SLAIN1: variants seen among roughly 807,000 people sequenced by gnomAD.
The protein encoded by SLAIN1 is SLAIN family member 1.
In SLAIN1, 17 loss-of-function variants were observed where a neutral mutation model predicts 55.4. That is an observed-to-expected ratio of 0.31 (90% CI 0.21 to 0.46). The LOEUF (loss-of-function observed/expected upper bound fraction) is 0.46, where lower values mean the gene tolerates loss of function less well. Ranked by LOEUF, SLAIN1 falls within the 20% of genes least tolerant of loss-of-function variation. The probability of loss-of-function intolerance (pLI) is 1.00; values close to 1 mark genes in which losing one functional copy is unlikely to be tolerated. For missense variants in SLAIN1, 682 were observed against 785.1 expected (o/e 0.87, Z 1.57); for synonymous variants, 348 against 337.4 (o/e 1.03, Z -0.35).
chr13:77,753,496 C>CT, intron 5 of SLAIN1, 138 bp downstream of exon 5: 1 of 392,502 alleles, frequency 2.5e-6, no homozygotes, highest in Non-Finnish European at 4.0e-6. Context: ...TGCCGTGTAA[C>CT]TTATTTTTTT....
intron 1 of SLAIN1, among the ~76,000 whole-genome samples, chr13:77,711,799 T>A (rs775070432): frequency 1.3e-5 from 2 of 152,188 alleles, no homozygotes; most frequent in Non-Finnish European, 2.9e-5. Flanking sequence ...CCAATATCCC[T>A]GATGAACATC....
intron 5 of SLAIN1, 50 bp from the exon 6 acceptor site, chr13:77,760,778 G>A (rs1874950550): frequency 6.3e-7 from 1 of 1,587,368 alleles, no homozygotes; most frequent in East Asian, 2.2e-5. Context: ...CATTTCCTAA[G>A]TCGGATAGTG....
At chr13:77,701,530 G>A (rs1456286191) in intron 1 of SLAIN1, among the ~76,000 whole-genome samples, 1 of 151,824 alleles carries the variant, frequency 6.6e-6, no homozygotes. Flanking sequence ...AAAAAAAACA[G>A]CTTTAAAGAG....
Position 77,751,188 on chromosome 13 carries a change from C to A in SLAIN1, c.1259-2015C>A, listed in dbSNP as rs77790126. Among the ~76,000 whole-genome samples the A allele has an allele frequency of 1.4e-3, 205 of 151,822 alleles. 8 individuals carry two copies. The East Asian group carries it at 0.033, about 24-fold the overall frequency. ...CTGATATGTGCACTTTAGTGTTTTG[C>A]GGTATATATCAATAAAGATAAAAAT... On this transcript the variant is annotated intron_variant, in intron 4 of 6. Coordinates refer to ENST00000418532, the MANE Select transcript of SLAIN1 (RefSeq NM_001242868.2).
chr13:77,756,834 A>C (rs1201851526), intron 5 of SLAIN1, among the ~76,000 whole-genome samples: 1 of 152,134 alleles, frequency 6.6e-6, no homozygotes, highest in Non-Finnish European at 1.5e-5. Flanking sequence ...AAATAGGGAA[A>C]AACAGTCTGT....
rs554443178 is a variant in SLAIN1 at position 77,755,759 on chromosome 13, A to G, written c.1414+2401A>G. The stretch of plus-strand genomic sequence containing the variant: ...TAAAAGCAATGAGGAAAATATAAAA[A>G]TCATCATTTCTAAGTCAAGCATAAT... On this transcript the variant is annotated intron_variant, in intron 5 of 6. Coordinates refer to ENST00000418532, the MANE Select transcript of SLAIN1 (RefSeq NM_001242868.2). Among the ~76,000 whole-genome samples, 111 of 152,316 alleles carry G rather than the reference A, an allele frequency of 7.3e-4. 1 individual carries two copies. The South Asian group carries it at 0.013, about 18-fold the overall frequency.
At chr13:77,737,900 C>T (rs1203091279) in intron 2 of SLAIN1, among the ~76,000 whole-genome samples, 2 of 152,066 alleles carry the variant, frequency 1.3e-5, no homozygotes, top group Non-Finnish European at 2.9e-5. Flanking sequence ...TTATTCATGT[C>T]AGCACCTGGG....
At chr13:77,755,116 A>G (rs1332150795) in intron 5 of SLAIN1, among the ~76,000 whole-genome samples, 1 of 152,072 alleles carries the variant, frequency 6.6e-6, no homozygotes, top group East Asian at 1.9e-4. Context: ...AAAATCAGTA[A>G]CATACCAGCC....
intron 2 of SLAIN1, among the ~76,000 whole-genome samples, chr13:77,734,117 T>G (rs1215536619): frequency 6.6e-6 from 1 of 152,122 alleles, no homozygotes; most frequent in East Asian, 1.9e-4. Flanking sequence ...TCTAAATACG[T>G]AAAGATATAA....
intron 2 of SLAIN1, among the ~76,000 whole-genome samples, chr13:77,740,513 C>A (rs890758981): frequency 2.8e-5 from 4 of 141,514 alleles, no homozygotes; most frequent in Non-Finnish European, 6.1e-5. Flanking sequence ...TATGCCACTT[C>A]CAAGTTTGCG....
rs1243418537 is a variant in SLAIN1 at position 77,734,656 on chromosome 13, GGAAAAGT to G, written c.767-9619_767-9613del. On this transcript the variant is annotated intron_variant, in intron 2 of 6. Transcript: ENST00000418532. ...ACTAGGTTACACTTCTTTAGAATCA[GGAAAAGT>G]GAAAAGTAGAAAACTCCTACAGAAT... Among the ~76,000 whole-genome samples, 5 of 152,170 alleles carry G rather than the reference GGAAAAGT, an allele frequency of 3.3e-5. No homozygotes were observed. In the East Asian group the frequency reaches 9.7e-4, roughly 29 times the overall value.
At chr13:77,716,763 TC>T (rs2091211937) in intron 1 of SLAIN1, among the ~76,000 whole-genome samples, 1 of 152,192 alleles carries the variant, frequency 6.6e-6, no homozygotes, top group Non-Finnish European at 1.5e-5. Flanking sequence ...TATGCTATTA[TC>T]ATTTTTGTAG....
At chr13:77,754,617 A>G (rs571115791) in intron 5 of SLAIN1, among the ~76,000 whole-genome samples, 5 of 152,144 alleles carry the variant, frequency 3.3e-5, no homozygotes, top group Non-Finnish European at 7.3e-5. Flanking sequence ...ATTTACTTTT[A>G]TAACACAGTC....
At chr13:77,750,784 A>G (rs1258003459) in intron 4 of SLAIN1, among the ~76,000 whole-genome samples, 1 of 152,206 alleles carries the variant, frequency 6.6e-6, no homozygotes, top group Admixed American at 6.5e-5. Flanking sequence ...CCAGCTGGGA[A>G]GTCCATAGAA....
At chr13:77,746,441 C>G in intron 3 of SLAIN1, 73 bp from the exon 4 acceptor site, 1 of 1,302,934 alleles carries the variant, frequency 7.7e-7, no homozygotes, top group Non-Finnish European at 1.0e-6. Flanking sequence ...AATTTTTCAT[C>G]TAATACTTGG....
At chr13:77,756,745 A>G (rs1221780588) in intron 5 of SLAIN1, among the ~76,000 whole-genome samples, 1 of 152,148 alleles carries the variant, frequency 6.6e-6, no homozygotes, top group Non-Finnish European at 1.5e-5. Flanking sequence ...ACACAGGTGA[A>G]TCTCACAGAC....
intron 1 of SLAIN1, among the ~76,000 whole-genome samples, chr13:77,713,302 T>C (rs1392519951): frequency 6.6e-6 from 1 of 151,738 alleles, no homozygotes; most frequent in Non-Finnish European, 1.5e-5. Flanking sequence ...ATATCCAGAA[T>C]CCACAAGGAA....
intron 1 of SLAIN1, among the ~76,000 whole-genome samples, chr13:77,699,695 CA>C (rs1042956904): frequency 6.6e-5 from 10 of 152,148 alleles, no homozygotes; most frequent in Admixed American, 2.0e-4. Context: ...ATTCAAGAAT[CA>C]AAATATATGG....
chr13:77,700,412 A>G (rs1297831119), intron 1 of SLAIN1, among the ~76,000 whole-genome samples: 5 of 152,220 alleles, frequency 3.3e-5, no homozygotes, highest in Non-Finnish European at 7.3e-5. Flanking sequence ...CTAGAGACAA[A>G]TGGCAGAGAA....
Sources: allele counts gnomAD v4.1 joint callset (sites outside exome capture counted in the v4.1 genomes callset), GRCh38; gene constraint gnomAD v4.1.1; transcripts MANE v1.5; gene names NCBI Gene and HGNC (gene_info 2026-07-23, HGNC 2026-07-21).